Variants in LRRC4C observed in about 807,000 individuals in gnomAD.
LRRC4C encodes the protein leucine-rich repeat-containing protein 4C.
LRRC4C carries 5 observed loss-of-function variants against 33.6 expected under a neutral mutation model. That is an observed-to-expected ratio of 0.15 (90% CI 0.08 to 0.31). LRRC4C has a LOEUF of 0.31. LRRC4C is among the 10% of genes least tolerant of loss of function. The probability of loss-of-function intolerance (pLI) is 1.00; values close to 1 mark genes in which losing one functional copy is unlikely to be tolerated. For missense variants in LRRC4C, 560 were observed against 796.7 expected (o/e 0.70, Z 3.58); for synonymous variants, 329 against 302.0 (o/e 1.09, Z -0.93).
intron 1 of LRRC4C, among the ~76,000 whole-genome samples, chr11:41,294,206 C>G (rs1447568414): frequency 6.6e-6 from 1 of 152,152 alleles, no homozygotes. Context: ...ATGTACTATT[C>G]ACACACACAT....
chr11:40,478,950 A>C (rs886405420), intron 3 of LRRC4C, among the ~76,000 whole-genome samples: 3 of 152,108 alleles, frequency 2.0e-5, no homozygotes, highest in Non-Finnish European at 4.4e-5. Flanking sequence ...TATAGGGGAG[A>C]AGGAAACTAT....
chr11:40,663,104 G>A (rs189034023), intron 2 of LRRC4C, among the ~76,000 whole-genome samples: 31 of 151,886 alleles, frequency 2.0e-4, no homozygotes, highest in Non-Finnish European at 3.4e-4. Context: ...TTTTTGAGAC[G>A]GAGTCTCACT....
intron 2 of LRRC4C, among the ~76,000 whole-genome samples, chr11:40,827,831 A>G (rs982807624): frequency 6.6e-6 from 1 of 151,782 alleles, no homozygotes; most frequent in African/African-American, 2.4e-5. Flanking sequence ...TCATCTATCA[A>G]GTGAATAAAG....
chr11:40,365,723 C>T (rs1024123276), intron 3 of LRRC4C, among the ~76,000 whole-genome samples: 3 of 151,890 alleles, frequency 2.0e-5, no homozygotes, highest in African/African-American at 7.3e-5. Flanking sequence ...AACAAAAATG[C>T]CAACCTTGAC....
chr11:40,905,551 C>G (rs145499294), intron 2 of LRRC4C, among the ~76,000 whole-genome samples: 5 of 152,188 alleles, frequency 3.3e-5, no homozygotes, highest in Admixed American at 1.3e-4. Flanking sequence ...AGAAACTACA[C>G]GTTCCATATG....
intron 3 of LRRC4C, among the ~76,000 whole-genome samples, chr11:40,526,862 G>A (rs78445839): frequency 0.021 from 3,147 of 152,168 alleles, 120 homozygotes; most frequent in African/African-American, 0.072. Context: ...AATAAATGGC[G>A]ATTGCTGTAT....
intron 1 of LRRC4C, among the ~76,000 whole-genome samples, chr11:41,260,869 A>G (rs749048510): frequency 6.6e-6 from 1 of 152,132 alleles, no homozygotes; most frequent in East Asian, 1.9e-4. Flanking sequence ...CAAGCCAGGA[A>G]AATTGACTGA....
At chr11:40,483,260 A>G (rs1238838938) in intron 3 of LRRC4C, among the ~76,000 whole-genome samples, 1 of 152,150 alleles carries the variant, frequency 6.6e-6, no homozygotes, top group African/African-American at 2.4e-5. Context: ...AGAGGGAGGG[A>G]TGGGACCCCT....
intron 1 of LRRC4C, among the ~76,000 whole-genome samples, chr11:41,147,189 T>G (rs1434171401): frequency 6.6e-6 from 1 of 152,210 alleles, no homozygotes; most frequent in African/African-American, 2.4e-5. Flanking sequence ...CCCTTCTGAG[T>G]TGAGTGTTAA....
chr11:40,417,444 G>A (rs531832128), intron 3 of LRRC4C, among the ~76,000 whole-genome samples: 15 of 152,006 alleles, frequency 9.9e-5, no homozygotes, highest in Admixed American at 2.6e-4. Context: ...TGATTCTCCT[G>A]CCTCAGCCTC....
intron 1 of LRRC4C, among the ~76,000 whole-genome samples, chr11:41,384,673 T>C (rs1031971961): frequency 2.0e-5 from 3 of 151,290 alleles, no homozygotes; most frequent in Non-Finnish European, 3.0e-5. Context: ...AGTGCTCATG[T>C]ATTATGTAAT....
chr11:41,388,779 T>A (rs965638504), intron 1 of LRRC4C, among the ~76,000 whole-genome samples: 14 of 151,990 alleles, frequency 9.2e-5, no homozygotes, highest in African/African-American at 3.4e-4. Flanking sequence ...AGGAAGAGGG[T>A]TCTTACCAGT....
chr11:41,389,246 G>T (rs925073279), intron 1 of LRRC4C, among the ~76,000 whole-genome samples: 1 of 151,782 alleles, frequency 6.6e-6, no homozygotes, highest in Non-Finnish European at 1.5e-5. Flanking sequence ...ACAAAATGCT[G>T]TGGTGTAAGT....
rs1855245371 is a variant in LRRC4C at position 40,114,239 on chromosome 11, A to C, written c.*131T>G. On this transcript the variant is annotated 3_prime_UTR_variant, in exon 7 of 7. Transcript: ENST00000528697. ...ATCACAATAGAATTTTTAATAAATA[A>C]ATTTCTTTTCTTTTTTGTTTTTTTG... 1.4e-5 allele frequency: 15 copies of C among 1,039,586 alleles called. No homozygotes were observed. Among genetic ancestry groups the C allele is most frequent in the East Asian group, 2.7e-5 (1 of 37,160 alleles). The allele number at this position is 1,039,586 out of a possible 1,614,324, so 64.4% of individuals were successfully genotyped here. A position where few individuals can be genotyped will look rare whatever the true frequency, so the allele number is the denominator to read the frequency against.
chr11:40,821,252 C>T (rs1951915076), intron 2 of LRRC4C, among the ~76,000 whole-genome samples: 1 of 151,634 alleles, frequency 6.6e-6, no homozygotes, highest in South Asian at 2.1e-4. Context: ...TACAACTCTA[C>T]CAAAATTCCC....
intron 1 of LRRC4C, among the ~76,000 whole-genome samples, chr11:41,416,886 G>A (rs1320036091): frequency 6.6e-6 from 1 of 151,934 alleles, no homozygotes; most frequent in Non-Finnish European, 1.5e-5. Flanking sequence ...CATTTCTGAT[G>A]TTTTCCATCT....
chr11:41,059,527 G>T (rs1271934368), intron 1 of LRRC4C, among the ~76,000 whole-genome samples: 1 of 151,998 alleles, frequency 6.6e-6, no homozygotes, highest in African/African-American at 2.4e-5. Flanking sequence ...ATGACATTTT[G>T]TGTCTTTTTA....
chr11:40,334,153 C>T (rs1467939062), intron 3 of LRRC4C, among the ~76,000 whole-genome samples: 1 of 152,134 alleles, frequency 6.6e-6, no homozygotes, highest in Non-Finnish European at 1.5e-5. Flanking sequence ...GAGGATGCCA[C>T]TGGGGATCCT....
intron 1 of LRRC4C, among the ~76,000 whole-genome samples, chr11:41,115,142 T>G (rs1404576084): frequency 6.6e-6 from 1 of 152,120 alleles, no homozygotes; most frequent in Admixed American, 6.6e-5. Context: ...TCTCTAAAGC[T>G]AAGTAACTTT....
Sources: allele counts gnomAD v4.1 joint callset (sites outside exome capture counted in the v4.1 genomes callset), GRCh38; gene constraint gnomAD v4.1.1; transcripts MANE v1.5; gene names NCBI Gene and HGNC (gene_info 2026-07-23, HGNC 2026-07-21).